CADPS: variants seen among roughly 807,000 people sequenced by gnomAD.
The protein encoded by CADPS is calcium-dependent secretion activator 1.
CADPS carries 57 observed loss-of-function variants against 167.3 expected under a neutral mutation model. That is an observed-to-expected ratio of 0.34 (90% CI 0.28 to 0.42). The LOEUF (loss-of-function observed/expected upper bound fraction) is 0.42. CADPS is among the 20% of genes least tolerant of loss of function. CADPS has a pLI of 1.00. For missense variants in CADPS, 1,414 were observed against 1,738.1 expected (o/e 0.81, Z 3.32); for synonymous variants, 676 against 635.3 (o/e 1.06, Z -0.96).
At chr3:62,635,961 A>C (rs1416913824) in intron 6 of CADPS, among the ~76,000 whole-genome samples, 1 of 152,228 alleles carries the variant, frequency 6.6e-6, no homozygotes, top group African/African-American at 2.4e-5. Context: ...ATAAATGAAC[A>C]CATTCCAAAG....
chr3:62,465,465 A>G lies in CADPS; in HGVS notation c.3553-15T>C. The G allele has an allele frequency of 6.4e-7, 1 of 1,550,630 alleles. No homozygotes were observed. Among genetic ancestry groups the G allele is most frequent in the Middle Eastern group, 1.7e-4 (1 of 5,882 alleles). On this transcript the variant is annotated splice_polypyrimidine_tract_variant and intron_variant, in intron 25 of 29. Coordinates refer to ENST00000383710, the MANE Select transcript of CADPS (RefSeq NM_003716.4). This position sits in a 1 kb window ranked among gnomAD's most constrained non-coding sequence, Gnocchi z 4.1. ...ATAGTAACGAACTAGAAAAACAGCA[A>G]AAAAGAAAAAAATGTTATTTCAAAC...
chr3:62,452,779 C>T (rs1164432482), intron 26 of CADPS, among the ~76,000 whole-genome samples: 1 of 152,112 alleles, frequency 6.6e-6, no homozygotes, highest in Non-Finnish European at 1.5e-5. Flanking sequence ...CTATCTATTA[C>T]AGTAGGGAGT....
chr3:62,639,235 C>A (rs1457051536), intron 6 of CADPS, among the ~76,000 whole-genome samples: 1 of 152,114 alleles, frequency 6.6e-6, no homozygotes, highest in African/African-American at 2.4e-5. Context: ...TGACTTTTAC[C>A]ATTTATGATT....
chr3:62,696,265 G>C (rs1409131286), intron 3 of CADPS, among the ~76,000 whole-genome samples: 1 of 152,134 alleles, frequency 6.6e-6, no homozygotes, highest in East Asian at 1.9e-4. Context: ...AAGCTGCAGG[G>C]TGGGAGAGGG....
At position 62,758,972 on chromosome 3, in the gene CADPS, A is replaced by T. The variant is rs77601860; in HGVS notation, c.556-5199T>A. Among the ~76,000 whole-genome samples the T allele has an allele frequency of 7.0e-3, 1,061 of 152,362 alleles. 8 individuals are homozygous for T. Among genetic ancestry groups the T allele is most frequent in the African/African-American group, 0.024 (1,004 of 41,574 alleles). On this transcript the variant is annotated intron_variant, in intron 2 of 29. Coordinates refer to ENST00000383710, the MANE Select transcript of CADPS (RefSeq NM_003716.4). The stretch of plus-strand genomic sequence containing the variant: ...CCACAGCAGATTCATTCCTGTTCTG[A>T]AAAAGCATATCCTTTCAATATAAAT...
intron 11 of CADPS, among the ~76,000 whole-genome samples, chr3:62,540,742 C>T (rs139118022): frequency 4.3e-4 from 66 of 152,190 alleles, no homozygotes; most frequent in Non-Finnish European, 5.1e-4. Context: ...AACTTGTGGG[C>T]GCTTCCCAAG....
chr3:62,572,537 C>T (rs1032673888), intron 8 of CADPS, among the ~76,000 whole-genome samples: 1 of 152,162 alleles, frequency 6.6e-6, no homozygotes, highest in African/African-American at 2.4e-5. Context: ...CCTACCCCCA[C>T]CATTTATATG....
At chr3:62,670,529 G>A (rs2075320068) in intron 3 of CADPS, among the ~76,000 whole-genome samples, 1 of 152,110 alleles carries the variant, frequency 6.6e-6, no homozygotes, top group South Asian at 2.1e-4. Flanking sequence ...ATTGCAAAAT[G>A]CAGGGTTTAG....
intron 1 of CADPS, among the ~76,000 whole-genome samples, chr3:62,869,322 A>G (rs2082231094): frequency 6.6e-6 from 1 of 151,944 alleles, no homozygotes. Flanking sequence ...CTTCACTTAC[A>G]TGAACCAGTA....
chr3:62,648,874 TG>T (rs1463561464), intron 5 of CADPS, among the ~76,000 whole-genome samples: 1 of 152,050 alleles, frequency 6.6e-6, no homozygotes, highest in Non-Finnish European at 1.5e-5. Context: ...GTGGCAGTAT[TG>T]TTTTTTAAAA....
chr3:62,599,780 T>TATATTATATATAA (rs1491429269), intron 6 of CADPS, among the ~76,000 whole-genome samples: 175 of 12,314 alleles, frequency 0.014, 17 homozygotes, highest in African/African-American at 0.05. Context: ...AATATATATA[T>TATATTATATATAA]TATATATAAT....
intron 1 of CADPS, among the ~76,000 whole-genome samples, chr3:62,767,951 C>T (rs11713338): frequency 0.22 from 33,048 of 152,024 alleles, 3,742 homozygotes; most frequent in Middle Eastern, 0.29. Context: ...GTAGTTTACC[C>T]GTACAACATA....
At chr3:62,532,490 C>T (rs2073900265) in intron 13 of CADPS, among the ~76,000 whole-genome samples, 1 of 152,128 alleles carries the variant, frequency 6.6e-6, no homozygotes, top group Non-Finnish European at 1.5e-5. Context: ...ATGTTGAGCC[C>T]TTTATAGGTA....
At chr3:62,482,052 G>C (rs755877696) in intron 21 of CADPS, among the ~76,000 whole-genome samples, 183 bp from the exon 22 acceptor site, 9 of 152,208 alleles carry the variant, frequency 5.9e-5, no homozygotes, top group Non-Finnish European at 1.3e-4. Context: ...TGTATCCAGA[G>C]AAATGACAAA....
chr3:62,465,241 T>C lies in CADPS; in HGVS notation c.3636+126A>G, dbSNP rs2059813540. ...GGCTTTTCACATAGTGTTAATATTA[T>C]ACAATAGTTGACTATAATTAACACA... On this transcript the variant is annotated intron_variant, in intron 26 of 29. Transcript: ENST00000383710. This position sits in a 1 kb window ranked among gnomAD's most constrained non-coding sequence, Gnocchi z 4.1. 1.6e-6 allele frequency: 1 copy of C among 634,326 alleles called. No homozygotes were observed. Among genetic ancestry groups the C allele is most frequent in the Non-Finnish European group, 2.8e-6 (1 of 353,330 alleles). 39.3% of individuals were successfully genotyped at this position (634,326 alleles called of 1,614,324 possible). A position where few individuals can be genotyped will look rare whatever the true frequency, so the allele number is the denominator to read the frequency against.
intron 6 of CADPS, among the ~76,000 whole-genome samples, chr3:62,597,848 C>T (rs1230831410): frequency 6.6e-6 from 1 of 152,130 alleles, no homozygotes; most frequent in African/African-American, 2.4e-5. Context: ...AACTATTTAA[C>T]TATCAGATTT....
chr3:62,817,763 G>C (rs886323647), intron 1 of CADPS, among the ~76,000 whole-genome samples: 1 of 152,180 alleles, frequency 6.6e-6, no homozygotes, highest in African/African-American at 2.4e-5. Flanking sequence ...TTGGGTCAGG[G>C]AGGTTGTCTG....
intron 28 of CADPS, 123 bp from the exon 29 acceptor site, chr3:62,403,308 A>G (rs1006443251): frequency 4.3e-5 from 28 of 657,560 alleles, no homozygotes; most frequent in African/African-American, 3.3e-4. Flanking sequence ...GTTAAAGAGA[A>G]TTTGAGAGCA....
chr3:62,833,196 C>T (rs1401844804), intron 1 of CADPS, among the ~76,000 whole-genome samples: 1 of 151,968 alleles, frequency 6.6e-6, no homozygotes, highest in African/African-American at 2.4e-5. Context: ...GCTCTATTGC[C>T]CGGGCTGGAT....
Sources: allele counts gnomAD v4.1 joint callset (sites outside exome capture counted in the v4.1 genomes callset), GRCh38; gene constraint gnomAD v4.1.1; non-coding constraint Gnocchi (gnomAD v3.1); transcripts MANE v1.5; gene names NCBI Gene and HGNC (gene_info 2026-07-23, HGNC 2026-07-21).